EPHA4: variants seen among roughly 807,000 people sequenced by gnomAD.
EPHA4 encodes the protein EPH receptor A4.
EPHA4 carries 19 observed loss-of-function variants against 108.3 expected under a neutral mutation model. The observed-to-expected ratio is 0.18, with a 90% confidence interval of 0.12 to 0.26. The LOEUF (loss-of-function observed/expected upper bound fraction) is 0.26, where lower values mean the gene tolerates loss of function less well. EPHA4 is among the 10% of genes least tolerant of loss of function. The pLI, the probability that EPHA4 is intolerant of heterozygous loss-of-function variation, is 1.00. For synonymous variants in EPHA4, 449 were observed against 455.5 expected (o/e 0.99, Z 0.18); for missense variants, 917 against 1,254.0 (o/e 0.73, Z 4.06).
intron 14 of EPHA4, 137 bp downstream of exon 14, chr2:221,434,005 G>A (rs1265064921): frequency 1.3e-6 from 1 of 783,598 alleles, no homozygotes; most frequent in South Asian, 2.0e-5. Flanking sequence ...TGTTGAACTA[G>A]CTTGCTAGAT....
intron 8 of EPHA4, 46 bp downstream of exon 8, chr2:221,455,501 C>T (rs199575373): frequency 1.3e-5 from 18 of 1,439,496 alleles, no homozygotes; most frequent in Non-Finnish European, 1.6e-5. Flanking sequence ...CCATCATAAA[C>T]ACTGGGAAGG....
chr2:221,438,527 C>T (rs1450803715), intron 11 of EPHA4, among the ~76,000 whole-genome samples: 1 of 152,094 alleles, frequency 6.6e-6, no homozygotes, highest in Non-Finnish European at 1.5e-5. Context: ...GTGGCTCACA[C>T]CTGCAATTCC....
chr2:221,443,571 C>A lies in EPHA4; in HGVS notation c.1810G>T (p.Asp604Tyr). 1 of 1,613,954 alleles carries A rather than the reference C, an allele frequency of 6.2e-7. No individual in the cohort carries two copies. The highest frequency in any genetic ancestry group is 8.5e-7 in the Non-Finnish European group (1 of 1,179,940). The change falls in exon 10 of 18, where the codon GAT (aspartate) becomes TAT (tyrosine). Residue 604 changes from aspartate (D) to tyrosine (Y), a missense_variant. By Grantham distance (160) the Asp-to-Tyr change is radical. This residue lies in a region of EPHA4 where 758 missense variants were observed against 1,076.7 expected (regional missense o/e 0.70). Transcript: ENST00000281821. ...AACTCTCGCACTGCTTGGTTGGGAT[C>A]TTCGTACGTAAAGGGGTCCACATAT... ...RTYVDPFTYE[D>Y]PNQAVREFAK...
chr2:221,542,904 T>C (rs1347068665), intron 3 of EPHA4, among the ~76,000 whole-genome samples: 1 of 152,180 alleles, frequency 6.6e-6, no homozygotes, highest in East Asian at 1.9e-4. Flanking sequence ...AAAGTAAAAC[T>C]TTAAAAGAAG....
Position 221,482,567 on chromosome 2 carries a change from T to C in EPHA4, c.1103A>G (p.Lys368Arg). 1 of 1,614,108 alleles carries C rather than the reference T, an allele frequency of 6.2e-7. No homozygotes were observed. The highest frequency in any genetic ancestry group is 8.5e-7 in the Non-Finnish European group (1 of 1,179,998). ...QDISYNVVCK[K>R]CGAGDPSKCR... Reference sequence around the variant, plus strand: ...CTTGCTGGGGTCACCAGCTCCACATTTCTTGCATACCACATTATAGGAAAT... The same window carrying C: ...CTTGCTGGGGTCACCAGCTCCACATCTCTTGCATACCACATTATAGGAAAT... The change falls in exon 5 of 18, where the codon AAA becomes AGA. Residue 368 changes from lysine to arginine, a missense_variant. Lys to Arg is a conservative substitution (Grantham distance 26). Around this residue, in one of 3 missense-constraint regions of EPHA4, gnomAD observed 758 missense variants for 1,076.7 expected, o/e 0.70. Transcript: ENST00000281821.
rs1463302068 is a variant in EPHA4, at chr2:221,564,914, C to T, written c.160-520G>A. Among the ~76,000 whole-genome samples the T allele has an allele frequency of 2.3e-5, 3 of 130,410 alleles. No homozygotes were observed. The East Asian group carries it at 6.6e-4, about 29-fold the overall frequency. The allele number at this position is 130,410 out of a possible 152,430, so 85.6% of individuals were successfully genotyped here. On this transcript the variant is annotated intron_variant, in intron 2 of 17. Coordinates refer to ENST00000281821, the MANE Select transcript of EPHA4 (RefSeq NM_004438.5). ...AAAAAAAAAAAAAAAAAAAAAAAGG[C>T]AATTGATTTTTTTGGCACCCTCACT...
In EPHA4 at chr2:221,456,593, G is replaced by A. The variant is rs753493322; in HGVS notation, c.1603+20C>T. 1 of 1,612,538 alleles carries A rather than the reference G, an allele frequency of 6.2e-7. No homozygotes were observed. The highest frequency in any genetic ancestry group is 2.2e-5 in the East Asian group (1 of 44,814). ...TAAAAATAGCCTCAGAAGTGACTGA[G>A]TCTGGGTGGTCCTTGTTACCTGTGT... On this transcript the variant is annotated intron_variant, in intron 7 of 17. Transcript: ENST00000281821.
intron 2 of EPHA4, among the ~76,000 whole-genome samples, chr2:221,567,391 C>T (rs1410628745): frequency 3.9e-5 from 6 of 152,128 alleles, no homozygotes; most frequent in South Asian, 2.1e-4. Flanking sequence ...AAGATAAAGC[C>T]GTACCTTTCT....
chr2:221,427,722 A>G (rs1689953780), intron 15 of EPHA4, among the ~76,000 whole-genome samples: 1 of 152,240 alleles, frequency 6.6e-6, no homozygotes, highest in Admixed American at 6.5e-5. Flanking sequence ...TTATATCATT[A>G]CTACTAAATT....
chr2:221,421,375 G>C (rs527322913), intron 17 of EPHA4, among the ~76,000 whole-genome samples: 7 of 152,260 alleles, frequency 4.6e-5, no homozygotes, highest in Middle Eastern at 3.4e-3. Flanking sequence ...CTTAACAAGA[G>C]AGTAACTCCT....
intron 5 of EPHA4, among the ~76,000 whole-genome samples, chr2:221,479,617 G>A (rs16862747): frequency 2.0e-5 from 3 of 152,150 alleles, no homozygotes; most frequent in Admixed American, 2.0e-4. Context: ...GGGGAGCTTC[G>A]ATAGAGTTTA....
intron 3 of EPHA4, among the ~76,000 whole-genome samples, chr2:221,527,057 G>A (rs887759113): frequency 6.6e-6 from 1 of 152,096 alleles, no homozygotes; most frequent in Admixed American, 6.6e-5. Flanking sequence ...AACCCGGGCG[G>A]AGCTTGCAGT....
chr2:221,566,951 AG>A lies in EPHA4; in HGVS notation c.159+1766del, dbSNP rs1559297388. 7.4e-3 allele frequency among the ~76,000 whole-genome samples: 358 copies of A among 48,618 alleles called. 107 individuals are homozygous for A. The highest frequency in any genetic ancestry group is 0.018 in the African/African-American group (149 of 8,294). The allele number at this position is 48,618 out of a possible 152,430, so 31.9% of individuals were successfully genotyped here. A position where few individuals can be genotyped will look rare whatever the true frequency, so the allele number is the denominator to read the frequency against. ...GAGAAGGAGAAGGAGAAGGAGAAGGAGAAGGGGAAGAGGAAGAGGAAGAAGA... is the reference window on the plus strand; with the variant it reads ...GAGAAGGAGAAGGAGAAGGAGAAGGAAAGGGGAAGAGGAAGAGGAAGAAGA... On this transcript the variant is annotated intron_variant, in intron 2 of 17. Transcript: ENST00000281821.
Position 221,555,314 on chromosome 2 carries a change from G to C in EPHA4, c.823+8417C>G, listed in dbSNP as rs147758179. Among the ~76,000 whole-genome samples the C allele has an allele frequency of 1.4e-4, 22 of 152,282 alleles. No individual in the cohort carries two copies. In the East Asian group the frequency reaches 4.2e-3, roughly 29 times the overall value. ...TCTGCATAAACAGAAGGAGATTTTG[G>C]CTGGGGTTTCCAAAGGAAGCCCTCA... is the stretch of plus-strand genomic sequence containing the variant. On this transcript the variant is annotated intron_variant, in intron 3 of 17. Transcript: ENST00000281821.
At position 221,472,970 on chromosome 2, in the gene EPHA4, C is replaced by T. The variant is rs568762089; in HGVS notation, c.1318+9382G>A. On this transcript the variant is annotated intron_variant, in intron 5 of 17. Transcript: ENST00000281821. ...TTCTTCAACTCTGTGTCTATATAGG[C>T]GGACATTTTGATGACCATTCAGCCA... Among the ~76,000 whole-genome samples, 23 of 152,232 alleles carry T rather than the reference C, an allele frequency of 1.5e-4. 1 individual carries two copies. In the East Asian group the frequency reaches 2.5e-3, roughly 17 times the overall value.
chr2:221,572,479 C>T (rs888320468), upstream of EPHA4: 1 of 318,908 alleles, frequency 3.1e-6, no homozygotes, highest in East Asian at 5.3e-5. Flanking sequence ...CCACGGGGCG[C>T]GCGGTCTCCC....
At chr2:221,476,952 T>TAATTGATTTTATTGATTTAATTG (rs1157704517) in intron 5 of EPHA4, among the ~76,000 whole-genome samples, 1 of 152,212 alleles carries the variant, frequency 6.6e-6, no homozygotes, top group Non-Finnish European at 1.5e-5. Context: ...GATTTGATTT[T>TAATTGATTTTATTGATTTAATTG]ACTGTAAATA....
At chr2:221,544,799 C>T (rs1322218557) in intron 3 of EPHA4, among the ~76,000 whole-genome samples, 1 of 152,124 alleles carries the variant, frequency 6.6e-6, no homozygotes, top group African/African-American at 2.4e-5. Flanking sequence ...AAGGTGAGAT[C>T]TTATTCTGAT....
rs1693112805 is a variant in EPHA4 at position 221,520,050 on chromosome 2, C to A, written c.824-18878G>T. Among the ~76,000 whole-genome samples the A allele has an allele frequency of 1.3e-5, 2 of 152,008 alleles. 1 individual carries two copies. The highest frequency in any genetic ancestry group is 4.2e-4 in the South Asian group (2 of 4,806). On this transcript the variant is annotated intron_variant, in intron 3 of 17. Coordinates refer to ENST00000281821, the MANE Select transcript of EPHA4 (RefSeq NM_004438.5). ...AAAATTTAAAATTAACTTTTAAACA[C>A]CCATTTTGTGTAATTTTTAAAAAGT... is the stretch of plus-strand genomic sequence containing the variant.
Sources: gnomAD v4.1 joint callset for allele counts (sites outside exome capture counted in the v4.1 genomes callset) on GRCh38, gnomAD v4.1.1 for gene constraint, gnomAD v4.1.1 regional missense constraint, MANE v1.5 for transcripts, NCBI Gene and HGNC (gene_info 2026-07-23, HGNC 2026-07-21) for gene names.